ZNF385D: variants seen among roughly 807,000 people sequenced by gnomAD.
ZNF385D encodes the protein zinc finger protein 385D, also known as zinc finger protein 659.
In ZNF385D, 15 loss-of-function variants were observed where a neutral mutation model predicts 35.8. That is an observed-to-expected ratio of 0.42 (90% CI 0.28 to 0.64). The LOEUF is 0.64. Ranked by LOEUF, ZNF385D falls within the 30% of genes least tolerant of loss-of-function variation. ZNF385D has a pLI of 0.23. For missense variants in ZNF385D, 474 were observed against 494.6 expected (o/e 0.96, Z 0.39); for synonymous variants, 212 against 186.8 (o/e 1.13, Z -1.10).
chr3:22,108,560 T>C (rs746086053), intron 3 of ZNF385D, among the ~76,000 whole-genome samples: 1 of 152,182 alleles, frequency 6.6e-6, no homozygotes, highest in Admixed American at 6.6e-5. Context: ...GGATTTTACA[T>C]CTGGATAAAT....
chr3:21,980,458 A>G (rs1336863202), intron 3 of ZNF385D, among the ~76,000 whole-genome samples: 4 of 152,200 alleles, frequency 2.6e-5, no homozygotes, highest in Non-Finnish European at 4.4e-5. Flanking sequence ...AGTAGCATTG[A>G]AGTGAAAAAC....
chr3:22,230,426 G>A (rs922006296), intron 2 of ZNF385D, among the ~76,000 whole-genome samples: 8 of 152,006 alleles, frequency 5.3e-5, no homozygotes, highest in African/African-American at 1.4e-4. Context: ...AAAGGCCTAC[G>A]CCTTCCCTGG....
chr3:21,926,347 T>C (rs568274118), intron 3 of ZNF385D, among the ~76,000 whole-genome samples: 37 of 152,256 alleles, frequency 2.4e-4, no homozygotes, highest in African/African-American at 7.7e-4. Flanking sequence ...TGTGTTCTCA[T>C]TGTTCAACTC....
chr3:22,077,776 G>C (rs558219714), intron 3 of ZNF385D, among the ~76,000 whole-genome samples: 1 of 151,896 alleles, frequency 6.6e-6, no homozygotes. Flanking sequence ...AACAACAAAA[G>C]AAATGGGAGA....
At chr3:22,070,287 A>T (rs557698555) in intron 3 of ZNF385D, among the ~76,000 whole-genome samples, 124 of 152,288 alleles carry the variant, frequency 8.1e-4, no homozygotes, top group African/African-American at 2.9e-3. Flanking sequence ...ATCACCTATA[A>T]TTATATGCAT....
At chr3:22,188,344 A>G (rs1362199546) in intron 2 of ZNF385D, among the ~76,000 whole-genome samples, 1 of 152,144 alleles carries the variant, frequency 6.6e-6, no homozygotes, top group East Asian at 1.9e-4. Flanking sequence ...CCTACCTATA[A>G]TAGTCTTGCT....
intron 3 of ZNF385D, among the ~76,000 whole-genome samples, chr3:21,862,005 C>G (rs922626544): frequency 1.3e-5 from 2 of 152,056 alleles, no homozygotes; most frequent in South Asian, 2.1e-4. Flanking sequence ...CACTAACGCT[C>G]TATCATCTGG....
At chr3:21,559,071 A>C (rs531756197) in intron 3 of ZNF385D, among the ~76,000 whole-genome samples, 1 of 150,918 alleles carries the variant, frequency 6.6e-6, no homozygotes, top group South Asian at 2.1e-4. Flanking sequence ...GTTTTTACAC[A>C]TGAGAGTCTC....
At position 21,684,441 on chromosome 3, in the gene ZNF385D, T is replaced by A. The variant is rs1337342252; in HGVS notation, c.23-19413A>T. 2.7e-5 allele frequency among the ~76,000 whole-genome samples: 4 copies of A among 147,292 alleles called. 1 individual carries two copies. The highest frequency in any genetic ancestry group is 4.5e-5 in the Non-Finnish European group (3 of 66,912). ...TCTCTCTCTCTCTCTCCTCTCTCTC[T>A]TTCTTTCTTTCGTAGCTTTACATTC... On this transcript the variant is annotated intron_variant, in intron 1 of 7. Transcript: ENST00000281523.
intron 3 of ZNF385D, among the ~76,000 whole-genome samples, chr3:21,836,619 C>T (rs2630791): frequency 0.89 from 135,539 of 152,128 alleles, 60,641 homozygotes; most frequent in African/African-American, 0.96. Context: ...CTATCACAGC[C>T]ACTCAACTCT....
At chr3:21,715,148 C>T (rs953586616) in intron 1 of ZNF385D, among the ~76,000 whole-genome samples, 2 of 152,110 alleles carry the variant, frequency 1.3e-5, no homozygotes, top group Non-Finnish European at 2.9e-5. Context: ...AATTTTGTTA[C>T]ATGCATCGTG....
chr3:21,559,086 A>G (rs1199433922), intron 3 of ZNF385D, among the ~76,000 whole-genome samples: 1 of 151,346 alleles, frequency 6.6e-6, no homozygotes, highest in African/African-American at 2.4e-5. Context: ...AGTCTCCTGA[A>G]TACAGCACAC....
chr3:22,058,220 A>G (rs1368260893), intron 3 of ZNF385D, among the ~76,000 whole-genome samples: 1 of 152,222 alleles, frequency 6.6e-6, no homozygotes, highest in Non-Finnish European at 1.5e-5. Flanking sequence ...GAAAAAAGCA[A>G]ACTGTATTAG....
intron 3 of ZNF385D, among the ~76,000 whole-genome samples, chr3:22,123,181 A>G (rs964860822): frequency 6.6e-6 from 1 of 152,150 alleles, no homozygotes; most frequent in Non-Finnish European, 1.5e-5. Flanking sequence ...GATGGAAGAG[A>G]AGAGAAGAGA....
chr3:22,090,530 C>T (rs1282409324), intron 3 of ZNF385D, among the ~76,000 whole-genome samples: 2 of 151,906 alleles, frequency 1.3e-5, no homozygotes, highest in Non-Finnish European at 2.9e-5. Context: ...GCTCTCAGTT[C>T]AATTCACAGC....
chr3:22,032,454 G>A (rs921089128), intron 3 of ZNF385D, among the ~76,000 whole-genome samples: 5 of 152,162 alleles, frequency 3.3e-5, no homozygotes, highest in African/African-American at 1.2e-4. Context: ...CAGCATGGAG[G>A]AAACTATGCC....
chr3:21,982,860 T>C (rs1054565194), intron 3 of ZNF385D, among the ~76,000 whole-genome samples: 3 of 152,100 alleles, frequency 2.0e-5, no homozygotes, highest in Non-Finnish European at 4.4e-5. Context: ...GGGTTTTTTT[T>C]GTCTTTAGTT....
intron 3 of ZNF385D, among the ~76,000 whole-genome samples, chr3:21,944,067 A>T (rs980919998): frequency 6.6e-6 from 1 of 152,204 alleles, no homozygotes; most frequent in African/African-American, 2.4e-5. Context: ...CCATTTATTT[A>T]TATTTTCAGC....
chr3:21,860,631 G>A (rs1421911407), intron 3 of ZNF385D, among the ~76,000 whole-genome samples: 1 of 152,128 alleles, frequency 6.6e-6, no homozygotes, highest in Non-Finnish European at 1.5e-5. Context: ...ATTAGACTTA[G>A]CATGTCCATT....
Sources: allele counts gnomAD v4.1 joint callset (sites outside exome capture counted in the v4.1 genomes callset), GRCh38; gene constraint gnomAD v4.1.1; transcripts MANE v1.5; gene names NCBI Gene and HGNC (gene_info 2026-07-23, HGNC 2026-07-21).